The following EEPD1 variants were observed in gnomAD, a reference collection of about 807,000 sequenced individuals.
EEPD1 encodes the protein endonuclease/exonuclease/phosphatase family domain containing 1.
In EEPD1, 17 loss-of-function variants were observed where a neutral mutation model predicts 46.3. The observed-to-expected ratio is 0.37, with a 90% CI of 0.25 to 0.55. The LOEUF (loss-of-function observed/expected upper bound fraction) is 0.55, where lower values mean the gene tolerates loss of function less well. EEPD1 is among the 20% of genes least tolerant of loss of function. The probability of loss-of-function intolerance (pLI) is 0.83; values close to 1 mark genes in which losing one functional copy is unlikely to be tolerated. For synonymous variants in EEPD1, 313 were observed against 315.6 expected, an observed-to-expected ratio of 0.99 and a Z score of 0.09; for missense variants, 673 against 745.6, an observed-to-expected ratio of 0.90 and a Z score of 1.13.
At chr7:36,160,677 G>GGC (rs67114968) in intron 2 of EEPD1, among the ~76,000 whole-genome samples, 6 of 61,424 alleles carry the variant, frequency 9.8e-5, no homozygotes, top group African/African-American at 4.6e-4. Context: ...GGGAGGTGGT[G>GGC]GGGGGCGGGG....
intron 5 of EEPD1, among the ~76,000 whole-genome samples, chr7:36,285,686 A>G (rs1415375309): frequency 6.6e-6 from 1 of 152,118 alleles, no homozygotes; most frequent in Non-Finnish European, 1.5e-5. Context: ...CAGCAAGCGT[A>G]TCCCCTCCTG....
chr7:36,237,974 T>C (rs1583826889), intron 2 of EEPD1, among the ~76,000 whole-genome samples: 1 of 152,114 alleles, frequency 6.6e-6, no homozygotes, highest in South Asian at 2.1e-4. Flanking sequence ...AATGGCTAGG[T>C]ATTTTTATGG....
chr7:36,247,645 G>A (rs914016564), intron 3 of EEPD1, among the ~76,000 whole-genome samples: 1 of 152,176 alleles, frequency 6.6e-6, no homozygotes, highest in African/African-American at 2.4e-5. Context: ...AGTGCCCTCT[G>A]CCCCAGGTCC....
chr7:36,209,274 CAGTT>C (rs1378699399), intron 2 of EEPD1, among the ~76,000 whole-genome samples: 2 of 152,172 alleles, frequency 1.3e-5, no homozygotes, highest in Non-Finnish European at 2.9e-5. Flanking sequence ...CAACCTAACT[CAGTT>C]AGTGATTCAG....
chr7:36,219,806 AGT>A (rs70977121), intron 2 of EEPD1, among the ~76,000 whole-genome samples: 7 of 75,434 alleles, frequency 9.3e-5, no homozygotes, highest in South Asian at 6.0e-4. Flanking sequence ...AGAGAGAGAG[AGT>A]GTGTGTGTGT....
intron 2 of EEPD1, among the ~76,000 whole-genome samples, chr7:36,206,321 G>A (rs1785816722): frequency 6.6e-6 from 1 of 151,056 alleles, no homozygotes; most frequent in African/African-American, 2.4e-5. Context: ...AAGGCAAGAA[G>A]AAACAGACAA....
At position 36,299,633 on chromosome 7, in the gene EEPD1, C is replaced by T. The variant is rs1411044886; in HGVS notation, c.*427C>T. 2 of 189,064 alleles carry T rather than the reference C, an allele frequency of 1.1e-5. No homozygotes were observed. The highest frequency in any genetic ancestry group is 2.2e-5 in the Non-Finnish European group (2 of 90,618). The allele number at this position is 189,064 out of a possible 1,614,324, so 11.7% of individuals were successfully genotyped here. ...GCTATGACGTTCCTGCTGCGCATTA[C>T]AGAAAGCTTTTAACTGTGATCAGGC... On this transcript the variant is annotated 3_prime_UTR_variant, in exon 8 of 8. Coordinates refer to ENST00000242108, the MANE Select transcript of EEPD1 (RefSeq NM_030636.3).
intron 5 of EEPD1, among the ~76,000 whole-genome samples, chr7:36,286,028 C>T (rs1364507528): frequency 6.6e-6 from 1 of 152,158 alleles, no homozygotes; most frequent in Admixed American, 6.5e-5. Flanking sequence ...TTTAAGCCTC[C>T]TAACACCACC....
intron 2 of EEPD1, among the ~76,000 whole-genome samples, chr7:36,211,067 G>A (rs772498998): frequency 2.0e-5 from 3 of 152,100 alleles, no homozygotes; most frequent in Non-Finnish European, 2.9e-5. Context: ...AGAGCCTCAC[G>A]AGCCTGTCAC....
At chr7:36,255,407 T>G (rs1583468146) in intron 3 of EEPD1, among the ~76,000 whole-genome samples, 3 of 152,356 alleles carry the variant, frequency 2.0e-5, no homozygotes, top group Admixed American at 2.0e-4. Context: ...CCTTTCTCCA[T>G]TGGTTGTTTT....
At chr7:36,200,871 A>G (rs1254274451) in intron 2 of EEPD1, among the ~76,000 whole-genome samples, 2 of 152,168 alleles carry the variant, frequency 1.3e-5, no homozygotes, top group African/African-American at 2.4e-5. Flanking sequence ...GATAATCTCA[A>G]AGTTTCTTTC....
intron 2 of EEPD1, among the ~76,000 whole-genome samples, chr7:36,172,272 C>A (rs146177925): frequency 1.5e-3 from 228 of 152,316 alleles, no homozygotes; most frequent in African/African-American, 5.1e-3. Flanking sequence ...CTCTAATCTT[C>A]CCCTCCTTTT....
intron 2 of EEPD1, among the ~76,000 whole-genome samples, chr7:36,230,254 T>C (rs1001885998): frequency 6.6e-6 from 1 of 151,914 alleles, no homozygotes; most frequent in African/African-American, 2.4e-5. Flanking sequence ...ACCTCCAGCA[T>C]TGCCACCCCC....
chr7:36,188,756 T>TA (rs34175910), intron 2 of EEPD1, among the ~76,000 whole-genome samples: 7 of 151,056 alleles, frequency 4.6e-5, no homozygotes, highest in South Asian at 2.1e-4. Context: ...TGGTTTGCAT[T>TA]AAAAAAAAAT....
Position 36,223,341 on chromosome 7 carries a change from C to A in EEPD1, c.879-15644C>A, listed in dbSNP as rs545393191. Among the ~76,000 whole-genome samples the A allele has an allele frequency of 4.1e-4, 62 of 152,176 alleles. 1 individual carries two copies. The highest frequency in any genetic ancestry group is 1.2e-3 in the Admixed American group (18 of 15,284). The stretch of plus-strand genomic sequence containing the variant: ...CTTCCCAGCTCCACACTGAGTCACA[C>A]CAGACTGGTGACTTGAAATGGGCCT... On this transcript the variant is annotated intron_variant, in intron 2 of 7. Transcript: ENST00000242108.
chr7:36,299,695 T>C lies in EEPD1; in HGVS notation c.*489T>C, dbSNP rs1174842137. On this transcript the variant is annotated 3_prime_UTR_variant, in exon 8 of 8. Transcript: ENST00000242108. ...ATACATTGAGTGGCGATTTTTAGTT[T>C]TGTTTTGAAAAAATAAACAGATTAA... 1 of 158,928 alleles carries C rather than the reference T, an allele frequency of 6.3e-6. No homozygotes were observed. Among genetic ancestry groups the C allele is most frequent in the Non-Finnish European group, 1.4e-5 (1 of 71,952 alleles). The allele number at this position is 158,928 out of a possible 1,614,324, so 9.8% of individuals were successfully genotyped here. A position where few individuals can be genotyped will look rare whatever the true frequency, so the allele number is the denominator to read the frequency against.
chr7:36,236,450 G>A (rs1272482669), intron 2 of EEPD1, among the ~76,000 whole-genome samples: 1 of 152,230 alleles, frequency 6.6e-6, no homozygotes, highest in Non-Finnish European at 1.5e-5. Context: ...CGGGATTGTT[G>A]GCCACGACAG....
intron 2 of EEPD1, among the ~76,000 whole-genome samples, chr7:36,197,214 G>C (rs1179151164): frequency 6.6e-6 from 1 of 150,652 alleles, no homozygotes; most frequent in South Asian, 2.1e-4. Flanking sequence ...GTCTCCGCCC[G>C]GCAGCCACCC....
chr7:36,170,134 G>T (rs577217213), intron 2 of EEPD1, among the ~76,000 whole-genome samples: 1 of 152,330 alleles, frequency 6.6e-6, no homozygotes, highest in East Asian at 1.9e-4. Flanking sequence ...GCCGGGTGCG[G>T]TGGCTCGCGC....
Sources: allele counts gnomAD v4.1 joint callset (sites outside exome capture counted in the v4.1 genomes callset), GRCh38; gene constraint gnomAD v4.1.1; transcripts MANE v1.5; gene names NCBI Gene and HGNC (gene_info 2026-07-23, HGNC 2026-07-21).